Variants in RAP1GDS1 observed in about 807,000 individuals in gnomAD.
RAP1GDS1 encodes the protein Rap1 GTPase-GDP dissociation stimulator 1, also known as RAP1, GTP-GDP dissociation stimulator 1.
In RAP1GDS1, 35 loss-of-function variants were observed where a neutral mutation model predicts 71.1. The observed-to-expected ratio is 0.49, with a 90% CI of 0.38 to 0.65. The LOEUF (loss-of-function observed/expected upper bound fraction) is 0.65, where lower values mean the gene tolerates loss of function less well. RAP1GDS1 is among the 30% of genes least tolerant of loss of function. The probability of loss-of-function intolerance (pLI) is 0.00; values close to 1 mark genes in which losing one functional copy is unlikely to be tolerated. For missense variants in RAP1GDS1, 663 were observed against 706.1 expected (o/e 0.94, Z 0.69); for synonymous variants, 229 against 243.1 (o/e 0.94, Z 0.54).
chr4:98,364,974 G>A (rs1347332733), intron 4 of RAP1GDS1, among the ~76,000 whole-genome samples: 1 of 152,016 alleles, frequency 6.6e-6, no homozygotes, highest in African/African-American at 2.4e-5. Flanking sequence ...ACTCTGATCA[G>A]GCCACTGCAT....
chr4:98,286,360 T>A (rs1387145647), intron 1 of RAP1GDS1, among the ~76,000 whole-genome samples: 3 of 152,042 alleles, frequency 2.0e-5, no homozygotes, highest in Admixed American at 6.6e-5. Flanking sequence ...AGGCTCTCTC[T>A]GTGTAGAGCC....
chr4:98,345,942 A>G (rs1736180353), intron 3 of RAP1GDS1, among the ~76,000 whole-genome samples: 1 of 152,172 alleles, frequency 6.6e-6, no homozygotes, highest in Admixed American at 6.5e-5. Context: ...AAAAACCAGC[A>G]AAAGTTGAAC....
chr4:98,426,888 A>G (rs1410078616), intron 12 of RAP1GDS1, among the ~76,000 whole-genome samples: 1 of 152,164 alleles, frequency 6.6e-6, no homozygotes, highest in Non-Finnish European at 1.5e-5. Context: ...TATCACCCTA[A>G]TACCAAAACC....
chr4:98,309,351 A>G lies in RAP1GDS1; in HGVS notation c.112+15836A>G, dbSNP rs539158064. Among the ~76,000 whole-genome samples, 4 of 152,146 alleles carry G rather than the reference A, an allele frequency of 2.6e-5. No individual in the cohort carries two copies. The South Asian group carries it at 8.3e-4, about 32-fold the overall frequency. On this transcript the variant is annotated intron_variant, in intron 2 of 14. Coordinates refer to ENST00000408927, the MANE Select transcript of RAP1GDS1 (RefSeq NM_001100427.2). The stretch of plus-strand genomic sequence containing the variant: ...AATTTATCCATTATGTTAAATTGGA[A>G]GAGATATTACACCATGGGAATTTGT...
At chr4:98,363,478 CAAAAAAAAA>C (rs34393905) in intron 4 of RAP1GDS1, among the ~76,000 whole-genome samples, 7,950 of 37,722 alleles carry the variant, frequency 0.21, 280 homozygotes, top group Admixed American at 0.34. Context: ...GACCCTGTCT[CAAAAAAAAA>C]AAAAAAAAAA....
At chr4:98,356,914 C>T (rs1219869138) in intron 4 of RAP1GDS1, among the ~76,000 whole-genome samples, 1 of 151,718 alleles carries the variant, frequency 6.6e-6, no homozygotes, top group Admixed American at 6.6e-5. Context: ...TGTATATTGG[C>T]GATTCTTGTG....
intron 6 of RAP1GDS1, among the ~76,000 whole-genome samples, chr4:98,403,509 T>C (rs1321470684): frequency 9.2e-5 from 14 of 152,132 alleles, no homozygotes. Flanking sequence ...TTTCACAGTA[T>C]GTCAAAAGCC....
At chr4:98,401,136 A>T (rs1240490857) in intron 6 of RAP1GDS1, among the ~76,000 whole-genome samples, 1 of 152,198 alleles carries the variant, frequency 6.6e-6, no homozygotes, top group Non-Finnish European at 1.5e-5. Context: ...CAACCAATCC[A>T]GGTTGGGTTA....
intron 1 of RAP1GDS1, among the ~76,000 whole-genome samples, chr4:98,287,478 G>T (rs1470673705): frequency 6.6e-6 from 1 of 152,164 alleles, no homozygotes; most frequent in Non-Finnish European, 1.5e-5. Flanking sequence ...GTGGATAGAT[G>T]TGTGTGTAAG....
At chr4:98,335,374 G>C (rs1475084851) in intron 2 of RAP1GDS1, among the ~76,000 whole-genome samples, 1 of 152,092 alleles carries the variant, frequency 6.6e-6, no homozygotes, top group East Asian at 1.9e-4. Flanking sequence ...GGTCTTTGTG[G>C]TTTTTGCAGT....
intron 2 of RAP1GDS1, among the ~76,000 whole-genome samples, chr4:98,327,464 T>A (rs1278213040): frequency 6.6e-6 from 1 of 152,224 alleles, no homozygotes; most frequent in Non-Finnish European, 1.5e-5. Context: ...ACAGCCTTTG[T>A]GTAAGGTTGT....
chr4:98,345,829 A>G lies in RAP1GDS1; in HGVS notation c.235+2568A>G, dbSNP rs115640334. ...CTCTCCTTTCATTTCTTTTCAGTAA[A>G]TGAGAATTTATGATGGCAGTGGAAT... is the stretch of plus-strand genomic sequence containing the variant. On this transcript the variant is annotated intron_variant, in intron 3 of 14. Coordinates refer to ENST00000408927, the MANE Select transcript of RAP1GDS1 (RefSeq NM_001100427.2). Among the ~76,000 whole-genome samples the G allele has an allele frequency of 4.3e-3, 653 of 152,318 alleles. 11 individuals are homozygous for G. The highest frequency in any genetic ancestry group is 0.015 in the African/African-American group (626 of 41,568).
At chr4:98,379,509 A>G (rs2110105659) in intron 5 of RAP1GDS1, 1 of 158,064 alleles carries the variant, frequency 6.3e-6, no homozygotes, top group East Asian at 1.8e-4. Flanking sequence ...TAGCTTTAAA[A>G]TATGAACACT....
At chr4:98,348,521 AGATCC>A (rs1736656688) in intron 3 of RAP1GDS1, among the ~76,000 whole-genome samples, 3 of 152,216 alleles carry the variant, frequency 2.0e-5, no homozygotes, top group Non-Finnish European at 2.9e-5. Context: ...TTCTAGTTCT[AGATCC>A]TTGAGGAATC....
intron 7 of RAP1GDS1, among the ~76,000 whole-genome samples, chr4:98,406,278 AAAAT>A (rs1746102891): frequency 6.6e-6 from 1 of 152,050 alleles, no homozygotes. Context: ...CTTGTGTTTT[AAAAT>A]AAATAACTAT....
At chr4:98,393,068 T>C (rs1743967657) in intron 6 of RAP1GDS1, among the ~76,000 whole-genome samples, 1 of 152,110 alleles carries the variant, frequency 6.6e-6, no homozygotes, top group Admixed American at 6.6e-5. Flanking sequence ...TAATAATAAA[T>C]TATTATGGGC....
rs1348955119 is a variant in RAP1GDS1, at chr4:98,352,530, T to A, written c.290T>A (p.Leu97Gln). Residue 97 changes from leucine to glutamine, a missense_variant, in exon 4 of 15, where the codon CTG becomes CAG. Physicochemically the swap from Leu to Gln is moderately radical, Grantham distance 113 (BLOSUM62 -2). Coordinates refer to ENST00000408927, the MANE Select transcript of RAP1GDS1 (RefSeq NM_001100427.2). ...DAGLISPLVQ[L>Q]LNSKDQEVLL... The stretch of plus-strand genomic sequence containing the variant: ...GGATTGATTTCACCACTGGTGCAGC[T>A]GCTAAATAGCAAAGACCAGGAAGTG... 1.2e-6 allele frequency: 2 copies of A among 1,613,916 alleles called. No individual in the cohort carries two copies. The highest frequency in any genetic ancestry group is 3.3e-5 in the Admixed American group (2 of 60,000).
intron 4 of RAP1GDS1, among the ~76,000 whole-genome samples, chr4:98,377,688 C>G (rs1416764996): frequency 6.6e-6 from 1 of 151,070 alleles, no homozygotes; most frequent in African/African-American, 2.4e-5. Context: ...GTTGTATCAT[C>G]TAATATGATT....
chr4:98,326,315 G>A (rs911278110), intron 2 of RAP1GDS1, among the ~76,000 whole-genome samples: 4 of 152,032 alleles, frequency 2.6e-5, no homozygotes, highest in Non-Finnish European at 1.5e-5. Context: ...TGTCATTTCA[G>A]CATTAGGCCA....
Sources: allele counts gnomAD v4.1 joint callset (sites outside exome capture counted in the v4.1 genomes callset), GRCh38; gene constraint gnomAD v4.1.1; transcripts MANE v1.5; gene names NCBI Gene and HGNC (gene_info 2026-07-23, HGNC 2026-07-21).